Variants in BICD1 observed in about 807,000 individuals in gnomAD.
The protein encoded by BICD1 is protein bicaudal D homolog 1.
Under a neutral mutation model 92.5 loss-of-function variants are expected in BICD1, and 35 were observed. The observed-to-expected ratio is 0.38, with a 90% CI of 0.29 to 0.50. The LOEUF (loss-of-function observed/expected upper bound fraction) is 0.50. Ranked by LOEUF, BICD1 falls within the 20% of genes least tolerant of loss-of-function variation. The probability of loss-of-function intolerance (pLI) is 0.93; values close to 1 mark genes in which losing one functional copy is unlikely to be tolerated. For missense variants in BICD1, 950 were observed against 1,189.8 expected (o/e 0.80, Z 2.97); for synonymous variants, 429 against 465.1 (o/e 0.92, Z 1.00).
At chr12:32,279,624 G>C (rs1192175874) in intron 2 of BICD1, among the ~76,000 whole-genome samples, 2 of 152,188 alleles carry the variant, frequency 1.3e-5, no homozygotes, top group African/African-American at 2.4e-5. Context: ...CCGATTTTAT[G>C]CTGCTGTCAA....
rs768113602 is a variant in BICD1, at chr12:32,130,911, C to T, written c.213+23367C>T. Among the ~76,000 whole-genome samples, 3 of 152,010 alleles carry T rather than the reference C, an allele frequency of 2.0e-5. No homozygotes were observed. In the East Asian group the frequency reaches 5.8e-4, roughly 29 times the overall value. On this transcript the variant is annotated intron_variant, in intron 1 of 9. Transcript: ENST00000652176. ...GGAGTTCAGTGGTGTGATCTCAGCT[C>T]ACTGCAACCTCTGCCTTTCGGGTTC...
chr12:32,302,880 ATT>A (rs371035402), intron 3 of BICD1, among the ~76,000 whole-genome samples: 44 of 109,888 alleles, frequency 4.0e-4, no homozygotes, highest in Middle Eastern at 5.3e-3. Flanking sequence ...TCCAATGACC[ATT>A]TTTTTTTTTT....
chr12:32,246,064 A>T (rs1416252952), intron 2 of BICD1, among the ~76,000 whole-genome samples: 2 of 145,816 alleles, frequency 1.4e-5, no homozygotes, highest in East Asian at 4.0e-4. Context: ...AGGAAAAAGG[A>T]TGAAATCACA....
At chr12:32,332,409 G>T (rs1247954960) in intron 5 of BICD1, 4 of 978,828 alleles carry the variant, frequency 4.1e-6, no homozygotes, top group Non-Finnish European at 4.9e-6. Context: ...TAGGCATTCT[G>T]TAGTCTCTAT....
intron 2 of BICD1, among the ~76,000 whole-genome samples, chr12:32,230,254 G>A (rs1945837721): frequency 6.6e-6 from 1 of 151,972 alleles, no homozygotes; most frequent in Non-Finnish European, 1.5e-5. Flanking sequence ...GGAATTCAGG[G>A]CTGGATGCAG....
chr12:32,289,692 G>A (rs61005955), intron 2 of BICD1, among the ~76,000 whole-genome samples: 18,960 of 152,238 alleles, frequency 0.12, 1,286 homozygotes, highest in East Asian at 0.22. Flanking sequence ...CCCAGAGTCT[G>A]TTGTTTATAG....
At chr12:32,193,376 G>A (rs986847432) in intron 1 of BICD1, among the ~76,000 whole-genome samples, 3 of 152,130 alleles carry the variant, frequency 2.0e-5, no homozygotes, top group Non-Finnish European at 2.9e-5. Context: ...AGACATAATG[G>A]TATTATTGCA....
chr12:32,151,993 G>A (rs1943302103), intron 1 of BICD1, among the ~76,000 whole-genome samples: 1 of 152,068 alleles, frequency 6.6e-6, no homozygotes, highest in Non-Finnish European at 1.5e-5. Flanking sequence ...GTCTCGCTGT[G>A]TCTCCCAGGC....
At chr12:32,366,002 A>T (rs924597026) in intron 8 of BICD1, among the ~76,000 whole-genome samples, 7 of 152,200 alleles carry the variant, frequency 4.6e-5, no homozygotes, top group African/African-American at 1.7e-4. Flanking sequence ...TCCTATTAAG[A>T]TGCGCTAATT....
chr12:32,270,532 T>C (rs1947111161), intron 2 of BICD1, among the ~76,000 whole-genome samples: 1 of 152,316 alleles, frequency 6.6e-6, no homozygotes, highest in Admixed American at 6.5e-5. Context: ...ATTAATTAAA[T>C]GGTGAATAAG....
intron 4 of BICD1, among the ~76,000 whole-genome samples, chr12:32,311,873 T>C (rs1948391365): frequency 6.6e-6 from 1 of 152,224 alleles, no homozygotes; most frequent in Admixed American, 6.5e-5. Flanking sequence ...CAAGAGACTT[T>C]GCAGGGCAAT....
chr12:32,221,765 T>G (rs1945539848), intron 2 of BICD1, among the ~76,000 whole-genome samples: 1 of 152,056 alleles, frequency 6.6e-6, no homozygotes. Context: ...AGAACCAAAT[T>G]AATAGTTAAT....
chr12:32,306,414 T>C (rs1304232511), intron 4 of BICD1, among the ~76,000 whole-genome samples: 5 of 151,874 alleles, frequency 3.3e-5, no homozygotes, highest in African/African-American at 1.2e-4. Context: ...CGGCTAATTT[T>C]TTTGTATTTT....
At chr12:32,110,961 C>G (rs1278095624) in intron 1 of BICD1, among the ~76,000 whole-genome samples, 1 of 151,522 alleles carries the variant, frequency 6.6e-6, no homozygotes, top group African/African-American at 2.4e-5. Flanking sequence ...ACGTTGTGCA[C>G]ATGTACCCTA....
At chr12:32,321,766 A>AG (rs1948665406) in intron 4 of BICD1, among the ~76,000 whole-genome samples, 1 of 152,230 alleles carries the variant, frequency 6.6e-6, no homozygotes, top group Non-Finnish European at 1.5e-5. Context: ...TTGGAGGCCA[A>AG]GGCGGGTGGA....
At chr12:32,187,827 C>G (rs1014516214) in intron 1 of BICD1, among the ~76,000 whole-genome samples, 1 of 152,226 alleles carries the variant, frequency 6.6e-6, no homozygotes, top group Admixed American at 6.5e-5. Flanking sequence ...CCACATCACA[C>G]AATATATCCA....
chr12:32,257,529 T>C (rs976115508), intron 2 of BICD1, among the ~76,000 whole-genome samples: 1 of 152,120 alleles, frequency 6.6e-6, no homozygotes, highest in Admixed American at 6.6e-5. Flanking sequence ...CTCTCAAACA[T>C]TGAGAGTAGG....
chr12:32,142,464 ATCTATC>A (rs1592366710), intron 1 of BICD1, among the ~76,000 whole-genome samples: 2 of 89,954 alleles, frequency 2.2e-5, no homozygotes, highest in East Asian at 6.9e-4. Context: ...CTATCTATCT[ATCTATC>A]TATCTATCTA....
In BICD1 at chr12:32,142,468, A is replaced by ATCTATCTATCTATCTATCGG. The variant is rs1555134327; in HGVS notation, c.213+34942_213+34943insGGTCTATCTATCTATCTATC. Among the ~76,000 whole-genome samples, 197 of 117,074 alleles carry ATCTATCTATCTATCTATCGG rather than the reference A, an allele frequency of 1.7e-3. 1 individual carries two copies. Among genetic ancestry groups the ATCTATCTATCTATCTATCGG allele is most frequent in the South Asian group, 2.4e-3 (9 of 3,786 alleles). The allele number at this position is 117,074 out of a possible 152,430, so 76.8% of individuals were successfully genotyped here. On this transcript the variant is annotated intron_variant, in intron 1 of 9. Transcript: ENST00000652176. The stretch of plus-strand genomic sequence containing the variant: ...ACCTATCTATCCTATCTATCTATCT[A>ATCTATCTATCTATCTATCGG]TCTATCTATCTATCTATCTATTGGT...
Sources: gnomAD v4.1 joint callset for allele counts (sites outside exome capture counted in the v4.1 genomes callset) on GRCh38, gnomAD v4.1.1 for gene constraint, MANE v1.5 for transcripts, NCBI Gene and HGNC (gene_info 2026-07-23, HGNC 2026-07-21) for gene names.